Variants in CRTAC1 observed in about 807,000 individuals in gnomAD.
CRTAC1 encodes cartilage acidic protein 1, also known as acidic secreted protein in cartilage.
CRTAC1 carries 37 observed loss-of-function variants against 67.8 expected under a neutral mutation model. The observed-to-expected ratio is 0.55, with a 90% confidence interval of 0.42 to 0.72. The LOEUF (loss-of-function observed/expected upper bound fraction) is 0.72, where lower values mean the gene tolerates loss of function less well. Among genes scored for constraint, CRTAC1 ranks in the 30% least tolerant of loss-of-function variants. The pLI is 0.00. For synonymous variants in CRTAC1, 348 were observed against 371.0 expected (o/e 0.94, Z 0.71); for missense variants, 780 against 931.6 (o/e 0.84, Z 2.12).
Position 97,941,701 on chromosome 10 carries a change from T to C in CRTAC1, c.225-5335A>G, listed in dbSNP as rs188452446. On this transcript the variant is annotated intron_variant, in intron 2 of 14. Coordinates refer to ENST00000370597, the MANE Select transcript of CRTAC1 (RefSeq NM_018058.7). ...TCCAAAAATGTTTCACAAATCCTTT[T>C]TCTTCTTTCCTCCTCCACTGCCACC... 9.0e-4 allele frequency among the ~76,000 whole-genome samples: 137 copies of C among 152,284 alleles called. 1 individual carries two copies. The highest frequency in any genetic ancestry group is 3.3e-3 in the African/African-American group (135 of 41,536).
intron 3 of CRTAC1, among the ~76,000 whole-genome samples, chr10:97,933,643 A>G (rs1265300709): frequency 6.6e-6 from 1 of 152,236 alleles, no homozygotes; most frequent in Non-Finnish European, 1.5e-5. Context: ...GGCCGTGTTG[A>G]GGATAGAGTG....
intron 13 of CRTAC1, among the ~76,000 whole-genome samples, chr10:97,881,523 A>G (rs1366346620): frequency 6.6e-6 from 1 of 152,168 alleles, no homozygotes; most frequent in Non-Finnish European, 1.5e-5. Flanking sequence ...CCTCTTGTGG[A>G]GGCGCGGGGG....
intron 14 of CRTAC1, chr10:97,878,499 G>T (rs1175120315): frequency 2.3e-6 from 2 of 882,068 alleles, no homozygotes; most frequent in East Asian, 7.2e-5. Context: ...ATTCTTAAGT[G>T]TAATTTTATT....
At chr10:97,964,397 CA>C (rs1164074373) in intron 2 of CRTAC1, among the ~76,000 whole-genome samples, 1 of 152,222 alleles carries the variant, frequency 6.6e-6, no homozygotes, top group Non-Finnish European at 1.5e-5. Context: ...TTCCCTGCAG[CA>C]ATGCAGAGGA....
intron 1 of CRTAC1, among the ~76,000 whole-genome samples, chr10:98,016,623 T>C (rs143706280): frequency 1.1e-3 from 166 of 152,234 alleles, no homozygotes; most frequent in African/African-American, 3.9e-3. Flanking sequence ...TTTAGAAATA[T>C]GCCACCACCC....
chr10:97,913,600 A>G (rs181084486), intron 5 of CRTAC1, among the ~76,000 whole-genome samples: 2 of 152,290 alleles, frequency 1.3e-5, no homozygotes, highest in African/African-American at 2.4e-5. Context: ...AAGAAACGCA[A>G]TGTTCCCCCC....
intron 2 of CRTAC1, among the ~76,000 whole-genome samples, chr10:97,998,369 T>A (rs188644291): frequency 3.2e-4 from 49 of 151,992 alleles, no homozygotes; most frequent in East Asian, 1.7e-3. Context: ...TATTTTTTTT[T>A]AAAAAGAGAT....
At position 97,936,203 on chromosome 10, in the gene CRTAC1, T is replaced by A. The variant is rs1425271919; in HGVS notation, c.388A>T (p.Ile130Phe). Residue 130 changes from isoleucine to phenylalanine, a missense_variant, in exon 3 of 15, where the codon ATC becomes TTC. Transcript: ENST00000370597. ...GCATTATTGGTGTTGAGGAAGTAGATCTCCTCCCGGCCGTCCCCGTCGATG... is the reference window on the plus strand; with the variant it reads ...GCATTATTGGTGTTGAGGAAGTAGAACTCCTCCCGGCCGTCCCCGTCGATG... ...CDIDGDGREEIYFLNTNNAFS... is the reference protein window; with the variant it reads ...CDIDGDGREEFYFLNTNNAFS... The A allele has an allele frequency of 2.5e-6, 4 of 1,613,008 alleles. No homozygotes were observed. The highest frequency in any genetic ancestry group is 1.3e-5 in the African/African-American group (1 of 74,874).
intron 2 of CRTAC1, among the ~76,000 whole-genome samples, chr10:97,964,099 A>C (rs1292900470): frequency 6.6e-6 from 1 of 152,060 alleles, no homozygotes; most frequent in East Asian, 1.9e-4. Context: ...CTACCTGGAG[A>C]TCAGACAACC....
At chr10:97,937,323 C>T (rs1320966851) in intron 2 of CRTAC1, among the ~76,000 whole-genome samples, 1 of 152,112 alleles carries the variant, frequency 6.6e-6, no homozygotes. Context: ...TCCCCTGTTC[C>T]TTCTCAGTGA....
chr10:97,987,196 T>G (rs1313324096), intron 2 of CRTAC1, among the ~76,000 whole-genome samples: 1 of 152,180 alleles, frequency 6.6e-6, no homozygotes, highest in African/African-American at 2.4e-5. Context: ...GAGAGTAAGG[T>G]TGGAGCCAGT....
At position 97,895,221 on chromosome 10, in the gene CRTAC1, G is replaced by A. The variant is rs1370107875; in HGVS notation, c.1486+24C>T. On this transcript the variant is annotated intron_variant, in intron 11 of 14. Coordinates refer to ENST00000370597, the MANE Select transcript of CRTAC1 (RefSeq NM_018058.7). This position sits in a 1 kb window ranked among gnomAD's most constrained non-coding sequence, Gnocchi z 4.2. ...GTCAGCATCCTGATAACAGCTCACT[G>A]TCCCCCACCGGACCCCGACTCACCC... 1.2e-6 allele frequency: 2 copies of A among 1,602,068 alleles called. No individual in the cohort carries two copies. Among genetic ancestry groups the A allele is most frequent in the South Asian group, 1.1e-5 (1 of 90,726 alleles).
chr10:97,937,148 T>C (rs1278028404), intron 2 of CRTAC1, among the ~76,000 whole-genome samples: 8 of 152,204 alleles, frequency 5.3e-5, no homozygotes, highest in Admixed American at 5.2e-4. Context: ...TACTTATCTC[T>C]ACTCTGTCTC....
intron 2 of CRTAC1, among the ~76,000 whole-genome samples, chr10:98,000,404 A>G (rs1842666352): frequency 6.6e-6 from 1 of 152,152 alleles, no homozygotes. Context: ...CCTGCACCCA[A>G]TCCAGCCACA....
Position 97,904,780 on chromosome 10 carries a change from G to T in CRTAC1, c.885C>A (p.Val295=). The part of the protein sequence containing the change: ...VDDPHQHGRG[V]ALADFNRDGK... ...CATCACGGTTGAAGTCAGCCAGGGC[G>T]ACACCTCGCCCATGCTGGTGGGGGT... Residue 295 remains valine (V), a synonymous_variant, in exon 7 of 15, where the codon GTC becomes GTA. Coordinates refer to ENST00000370597, the MANE Select transcript of CRTAC1 (RefSeq NM_018058.7). 4 of 1,603,586 alleles carry T rather than the reference G, an allele frequency of 2.5e-6. No individual in the cohort carries two copies. The East Asian group carries it at 9.0e-5, about 36-fold the overall frequency.
chr10:97,980,358 A>G (rs1230837334), intron 2 of CRTAC1, among the ~76,000 whole-genome samples: 4 of 152,210 alleles, frequency 2.6e-5, no homozygotes, highest in Admixed American at 2.6e-4. Flanking sequence ...CAAAGTTTGG[A>G]CATGGTCCAT....
intron 1 of CRTAC1, among the ~76,000 whole-genome samples, chr10:98,028,978 T>G (rs1366306252): frequency 6.6e-6 from 1 of 152,122 alleles, no homozygotes; most frequent in Non-Finnish European, 1.5e-5. Flanking sequence ...ATGGAAATGT[T>G]CTAATTGTGG....
chr10:97,884,703 G>A (rs1298101353), intron 11 of CRTAC1, among the ~76,000 whole-genome samples: 1 of 122,530 alleles, frequency 8.2e-6, no homozygotes, highest in African/African-American at 2.9e-5. Flanking sequence ...GCCACACATG[G>A]CTGGTGGCTG....
intron 4 of CRTAC1, among the ~76,000 whole-genome samples, chr10:97,918,140 C>A (rs376271901): frequency 6.6e-6 from 1 of 152,210 alleles, no homozygotes; most frequent in Non-Finnish European, 1.5e-5. Flanking sequence ...CCTGTTCCCA[C>A]CCCGCGCTTC....
Sources: allele counts gnomAD v4.1 joint callset (sites outside exome capture counted in the v4.1 genomes callset), GRCh38; gene constraint gnomAD v4.1.1; non-coding constraint Gnocchi (gnomAD v3.1); transcripts MANE v1.5; gene names NCBI Gene and HGNC (gene_info 2026-07-23, HGNC 2026-07-21).